FER: variants seen among roughly 807,000 people sequenced by gnomAD.
FER encodes the protein FER tyrosine kinase, also known as tyrosine-protein kinase Fer.
FER carries 63 observed loss-of-function variants against 111.0 expected under a neutral mutation model. That is an observed-to-expected ratio of 0.57 (90% CI 0.46 to 0.70). The LOEUF (loss-of-function observed/expected upper bound fraction) is 0.70, where lower values mean the gene tolerates loss of function less well. Among genes scored for constraint, FER ranks in the 30% least tolerant of loss-of-function variants. The pLI is 0.00. For missense variants in FER, 914 were observed against 954.0 expected (o/e 0.96, Z 0.55); for synonymous variants, 327 against 313.9 (o/e 1.04, Z -0.44).
intron 10 of FER, among the ~76,000 whole-genome samples, chr5:108,911,206 T>C (rs1437570383): frequency 3.9e-5 from 6 of 152,230 alleles, no homozygotes; most frequent in African/African-American, 1.4e-4. Flanking sequence ...TTAATTTGCA[T>C]TTCTCTGATG....
intron 13 of FER, among the ~76,000 whole-genome samples, chr5:109,010,466 C>T (rs949960476): frequency 6.6e-6 from 1 of 151,980 alleles, no homozygotes; most frequent in African/African-American, 2.4e-5. Context: ...CTTTTTTATC[C>T]TTCTTTAAAT....
rs777798993 is a variant in FER at position 109,187,627 on chromosome 5, A to T, written c.*52A>T. ...TCAGGACTCTGTCCTCCAGCAGAGT[A>T]ACATTATTGTTCTCATTAACAATGA... On this transcript the variant is annotated 3_prime_UTR_variant, in exon 20 of 20. Coordinates refer to ENST00000281092, the MANE Select transcript of FER (RefSeq NM_005246.4). 6.3e-7 allele frequency: 1 copy of T among 1,594,662 alleles called. No individual in the cohort carries two copies. The highest frequency in any genetic ancestry group is 8.6e-7 in the Non-Finnish European group (1 of 1,165,690).
intron 11 of FER, among the ~76,000 whole-genome samples, chr5:108,947,133 A>G (rs1757094563): frequency 6.6e-6 from 1 of 152,030 alleles, no homozygotes; most frequent in East Asian, 1.9e-4. Context: ...GTTGGCTATT[A>G]TAAATAATGC....
intron 10 of FER, among the ~76,000 whole-genome samples, chr5:108,925,653 A>G (rs1225427475): frequency 6.6e-6 from 1 of 152,108 alleles, no homozygotes; most frequent in African/African-American, 2.4e-5. Context: ...AGAATTGTCA[A>G]TGCCAAAAAA....
chr5:108,796,747 C>A (rs1756071538), intron 2 of FER, among the ~76,000 whole-genome samples: 1 of 151,952 alleles, frequency 6.6e-6, no homozygotes, highest in African/African-American at 2.4e-5. Flanking sequence ...TGCTGGCAGT[C>A]CTGGGACTTA....
chr5:108,961,833 T>C (rs1359450175), intron 13 of FER, among the ~76,000 whole-genome samples: 1 of 152,204 alleles, frequency 6.6e-6, no homozygotes, highest in East Asian at 1.9e-4. Context: ...TTTGTACTCT[T>C]ATAACTGAAT....
intron 16 of FER, among the ~76,000 whole-genome samples, chr5:109,072,243 T>A (rs1775854700): frequency 6.6e-6 from 1 of 151,694 alleles, no homozygotes; most frequent in East Asian, 2.0e-4. Context: ...AAAAAACCTC[T>A]TTCTATTCTA....
intron 9 of FER, chr5:108,894,503 G>T: frequency 2.5e-6 from 1 of 399,408 alleles, no homozygotes; most frequent in South Asian, 2.6e-5. Flanking sequence ...CTATGACACT[G>T]ATATTAGTTA....
chr5:108,777,363 T>C (rs115437572), intron 2 of FER, among the ~76,000 whole-genome samples: 1 of 152,232 alleles, frequency 6.6e-6, no homozygotes, highest in East Asian at 1.9e-4. Flanking sequence ...CTACATATCC[T>C]CTGTTATCAA....
chr5:108,945,044 G>A (rs866526420), intron 10 of FER, among the ~76,000 whole-genome samples: 50 of 152,114 alleles, frequency 3.3e-4, no homozygotes, highest in African/African-American at 1.2e-3. Context: ...AAAGGGTTTT[G>A]GGAGAAAGCA....
chr5:108,945,910 G>A (rs954063686), intron 10 of FER, among the ~76,000 whole-genome samples: 7 of 151,610 alleles, frequency 4.6e-5, no homozygotes, highest in African/African-American at 1.7e-4. Context: ...CTTTCTTATT[G>A]TTTCCCCCAA....
At chr5:109,023,347 A>G (rs909238967) in intron 13 of FER, among the ~76,000 whole-genome samples, 1 of 152,154 alleles carries the variant, frequency 6.6e-6, no homozygotes. Flanking sequence ...GGAGATAGGA[A>G]TTGAGAGTTC....
At chr5:108,749,718 G>T (rs1023744124) in intron 1 of FER, among the ~76,000 whole-genome samples, 1 of 152,164 alleles carries the variant, frequency 6.6e-6, no homozygotes, top group African/African-American at 2.4e-5. Context: ...TAGTGGTGTC[G>T]TCGGTAATTT....
intron 13 of FER, among the ~76,000 whole-genome samples, chr5:108,989,972 T>C (rs1762981839): frequency 6.6e-6 from 1 of 151,960 alleles, no homozygotes; most frequent in Non-Finnish European, 1.5e-5. Flanking sequence ...TCAAGGAGTA[T>C]GTCATAATAC....
At chr5:109,157,575 T>A (rs76172112) in intron 17 of FER, among the ~76,000 whole-genome samples, 2,667 of 152,176 alleles carry the variant, frequency 0.018, 96 homozygotes, top group African/African-American at 0.061. Context: ...GCCTCTGTGC[T>A]CCAGTGCTGT....
At chr5:108,895,142 G>T (rs1275172238) in intron 9 of FER, among the ~76,000 whole-genome samples, 2 of 152,090 alleles carry the variant, frequency 1.3e-5, no homozygotes, top group African/African-American at 4.8e-5. Flanking sequence ...CATAGAGATT[G>T]GAAACATCAT....
chr5:108,930,193 G>C (rs1041827912), intron 10 of FER, among the ~76,000 whole-genome samples: 2 of 150,732 alleles, frequency 1.3e-5, no homozygotes, highest in Non-Finnish European at 3.0e-5. Flanking sequence ...AAAATGTTTT[G>C]TAGAGACACA....
intron 17 of FER, chr5:109,177,685 G>T (rs1757853837): frequency 6.6e-6 from 1 of 152,164 alleles, no homozygotes; most frequent in Non-Finnish European, 1.5e-5. Flanking sequence ...TATTATGTAT[G>T]ACTTGTAAGA....
intron 5 of FER, among the ~76,000 whole-genome samples, chr5:108,861,937 A>G (rs1400889618): frequency 6.6e-6 from 1 of 152,320 alleles, no homozygotes; most frequent in East Asian, 1.9e-4. Flanking sequence ...GTAAGTGAGC[A>G]TGTTTTTAAA....
Sources: gnomAD v4.1 joint callset for allele counts (sites outside exome capture counted in the v4.1 genomes callset) on GRCh38, gnomAD v4.1.1 for gene constraint, MANE v1.5 for transcripts, NCBI Gene and HGNC (gene_info 2026-07-23, HGNC 2026-07-21) for gene names.